Variants in SAMMSON observed in about 807,000 individuals in gnomAD.
The protein encoded by SAMMSON is survival associated mitochondrial melanoma specific oncogenic non-coding RNA, also known as long intergenic non-protein coding RNA 1212.
intron 7 of SAMMSON, among the ~76,000 whole-genome samples, chr3:70,298,594 T>A (rs921446564): frequency 6.6e-6 from 1 of 152,172 alleles, no homozygotes; most frequent in Non-Finnish European, 1.5e-5. Flanking sequence ...AACTAAGTCC[T>A]CTTTCTCGTT....
intron 4 of SAMMSON, among the ~76,000 whole-genome samples, chr3:70,151,089 AAC>A (rs1348976959): frequency 2.8e-5 from 1 of 35,492 alleles, no homozygotes; most frequent in East Asian, 4.4e-4. Context: ...ACTTTATTTC[AAC>A]AGAGAGAATT....
intron 7 of SAMMSON, among the ~76,000 whole-genome samples, chr3:70,294,751 A>AT (rs1197958083): frequency 6.6e-6 from 1 of 152,176 alleles, no homozygotes; most frequent in South Asian, 2.1e-4. Context: ...AAGAATCCAG[A>AT]TTTTTTTCCA....
intron 4 of SAMMSON, among the ~76,000 whole-genome samples, chr3:70,088,746 A>G (rs1334262607): frequency 1.3e-5 from 2 of 152,288 alleles, no homozygotes; most frequent in South Asian, 2.1e-4. Flanking sequence ...CAAGGGAGAG[A>G]GATTAAACAA....
At chr3:70,084,355 T>C (rs563169745) in intron 4 of SAMMSON, among the ~76,000 whole-genome samples, 1 of 152,282 alleles carries the variant, frequency 6.6e-6, no homozygotes, top group South Asian at 2.1e-4. Flanking sequence ...CAATTAACAC[T>C]AATTAACAGA....
chr3:70,208,914 T>C (rs1341622521), intron 4 of SAMMSON, among the ~76,000 whole-genome samples: 1 of 152,018 alleles, frequency 6.6e-6, no homozygotes, highest in Non-Finnish European at 1.5e-5. Flanking sequence ...ATAAAAGGGA[T>C]TGGCAGAAAT....
intron 4 of SAMMSON, among the ~76,000 whole-genome samples, chr3:70,119,749 T>A (rs1215171451): frequency 6.6e-6 from 1 of 152,184 alleles, no homozygotes; most frequent in African/African-American, 2.4e-5. Context: ...GTAAACACAT[T>A]ATCTATGTAT....
intron 7 of SAMMSON, among the ~76,000 whole-genome samples, chr3:70,312,268 G>C (rs1218180193): frequency 6.6e-6 from 1 of 152,158 alleles, no homozygotes; most frequent in African/African-American, 2.4e-5. Context: ...CCATGGATTT[G>C]TAAGAAACAA....
intron 4 of SAMMSON, among the ~76,000 whole-genome samples, chr3:70,085,501 A>T (rs2067282119): frequency 6.6e-6 from 1 of 152,140 alleles, no homozygotes; most frequent in Non-Finnish European, 1.5e-5. Flanking sequence ...GCTCAGTGGG[A>T]CTACTTTGAT....
At chr3:70,109,933 G>A (rs911151377) in intron 4 of SAMMSON, among the ~76,000 whole-genome samples, 1 of 152,138 alleles carries the variant, frequency 6.6e-6, no homozygotes, top group African/African-American at 2.4e-5. Context: ...TAGAAACTTT[G>A]CAATTTATTT....
At chr3:70,086,194 C>T (rs1488967275) in intron 4 of SAMMSON, among the ~76,000 whole-genome samples, 1 of 152,172 alleles carries the variant, frequency 6.6e-6, no homozygotes, top group East Asian at 1.9e-4. Flanking sequence ...TCTCCTGAGC[C>T]TGGCTCAGGG....
At chr3:70,366,993 C>T (rs367902371) in intron 9 of SAMMSON, among the ~76,000 whole-genome samples, 13 of 151,502 alleles carry the variant, frequency 8.6e-5, no homozygotes, top group Admixed American at 2.6e-4. Context: ...GGTTTCCGTT[C>T]GTACTTTTGC....
At chr3:70,269,812 T>A (rs893426429) in intron 6 of SAMMSON, among the ~76,000 whole-genome samples, 5 of 152,146 alleles carry the variant, frequency 3.3e-5, no homozygotes, top group Non-Finnish European at 1.5e-5. Flanking sequence ...TTAAACGAAA[T>A]CACATCTCAT....
At chr3:70,019,086 T>C (rs1373120029) in intron 3 of SAMMSON, among the ~76,000 whole-genome samples, 1 of 152,174 alleles carries the variant, frequency 6.6e-6, no homozygotes, top group Admixed American at 6.5e-5. Flanking sequence ...GTTCTGTAGA[T>C]GTCTATTAGG....
chr3:70,134,684 A>C (rs1256150505), intron 4 of SAMMSON, among the ~76,000 whole-genome samples: 1 of 152,074 alleles, frequency 6.6e-6, no homozygotes, highest in African/African-American at 2.4e-5. Flanking sequence ...TTTTTATGAC[A>C]TATTTCTAAT....
intron 6 of SAMMSON, among the ~76,000 whole-genome samples, chr3:70,250,025 C>T (rs796750833): frequency 5.3e-5 from 8 of 152,192 alleles, no homozygotes; most frequent in South Asian, 2.1e-4. Context: ...GTTCTGGCTT[C>T]GAGTTGTTTA....
At chr3:70,293,958 A>C (rs557265254) in intron 7 of SAMMSON, among the ~76,000 whole-genome samples, 2 of 152,080 alleles carry the variant, frequency 1.3e-5, no homozygotes, top group African/African-American at 4.8e-5. Context: ...CAGAGGGAGC[A>C]TACAAGCAGA....
chr3:70,106,313 T>C (rs914953069), intron 4 of SAMMSON, among the ~76,000 whole-genome samples: 1 of 151,660 alleles, frequency 6.6e-6, no homozygotes, highest in African/African-American at 2.4e-5. Context: ...CCTAATCCCA[T>C]AGGTCTGGAG....
At chr3:70,179,932 T>TGACCTTTA (rs1308726533) in intron 4 of SAMMSON, among the ~76,000 whole-genome samples, 1 of 152,038 alleles carries the variant, frequency 6.6e-6, no homozygotes, top group Non-Finnish European at 1.5e-5. Flanking sequence ...AACAGTCCTG[T>TGACCTTTA]GACCTTTATT....
At chr3:70,004,860 T>A (rs2066920020) in intron 1 of SAMMSON, among the ~76,000 whole-genome samples, 1 of 151,908 alleles carries the variant, frequency 6.6e-6, no homozygotes, top group African/African-American at 2.4e-5. Flanking sequence ...TACATAGAGT[T>A]CATGTTTAAG....
Sources: allele counts gnomAD v4.1 joint callset (sites outside exome capture counted in the v4.1 genomes callset), GRCh38; gene constraint gnomAD v4.1.1; transcripts MANE v1.5; gene names NCBI Gene and HGNC (gene_info 2026-07-23, HGNC 2026-07-21).